EXTL3: variants seen among roughly 807,000 people sequenced by gnomAD.
EXTL3 encodes the protein exostosin-like 3.
In EXTL3, 27 loss-of-function variants were observed where a neutral mutation model predicts 69.3. The ratio of observed to expected loss-of-function variants is 0.39; its 90% CI spans 0.29 to 0.54. EXTL3 has a LOEUF of 0.54. Among genes scored for constraint, EXTL3 ranks in the 20% least tolerant of loss-of-function variants. The pLI, the probability that EXTL3 is intolerant of heterozygous loss-of-function variation, is 0.69. For synonymous variants in EXTL3, 511 were observed against 499.4 expected (o/e 1.02, Z -0.31); for missense variants, 1,003 against 1,231.8 (o/e 0.81, Z 2.78).
chr8:28,677,934 T>A (rs1296096061), intron 1 of EXTL3, among the ~76,000 whole-genome samples: 1 of 152,248 alleles, frequency 6.6e-6, no homozygotes, highest in Non-Finnish European at 1.5e-5. Context: ...TTTTGAGTCC[T>A]GAACCAAATG....
intron 1 of EXTL3, among the ~76,000 whole-genome samples, chr8:28,644,467 G>C (rs1310121962): frequency 6.6e-6 from 1 of 152,118 alleles, no homozygotes; most frequent in Non-Finnish European, 1.5e-5. Context: ...GGGAGGCCAA[G>C]ACAAGAGGAT....
intron 1 of EXTL3, among the ~76,000 whole-genome samples, chr8:28,691,251 A>G (rs1800609182): frequency 6.6e-6 from 1 of 152,232 alleles, no homozygotes; most frequent in African/African-American, 2.4e-5. Flanking sequence ...AATAAAGTCT[A>G]ATCCTTTCAA....
rs1245669019 is a variant in EXTL3 at position 28,717,818 on chromosome 8, C to T, written c.1759C>T (p.Pro587Ser). The T allele has an allele frequency of 6.2e-7, 1 of 1,611,948 alleles. No individual in the cohort carries two copies. The highest frequency in any genetic ancestry group is 8.5e-7 in the Non-Finnish European group (1 of 1,178,198). ...PVETEPPYAS[P>S]RYLRNFTLTV... ...GGAGACGGAGCCGCCCTACGCCTCA[C>T]CCAGATACCTCCGCAATTTCACTCT... is the stretch of plus-strand genomic sequence containing the variant. Residue 587 changes from proline to serine, a missense_variant, in exon 3 of 7, where the codon CCC becomes TCC. Physicochemically the swap from Pro to Ser is moderately conservative, Grantham distance 74. Around this residue, in one of 2 missense-constraint regions of EXTL3, gnomAD observed 742 missense variants for 815.4 expected, o/e 0.91. Coordinates refer to ENST00000220562, the MANE Select transcript of EXTL3 (RefSeq NM_001440.4). The surrounding 1 kb of genome is among the most constrained non-coding windows in gnomAD (Gnocchi z 8.3).
intron 6 of EXTL3, among the ~76,000 whole-genome samples, chr8:28,744,812 A>C (rs1801854979): frequency 6.8e-6 from 1 of 147,576 alleles, no homozygotes; most frequent in South Asian, 2.2e-4. Flanking sequence ...AAAAATACAC[A>C]CACACGCACA....
intron 4 of EXTL3, among the ~76,000 whole-genome samples, chr8:28,736,429 T>A (rs1563222167): frequency 6.6e-6 from 1 of 152,232 alleles, no homozygotes; most frequent in Non-Finnish European, 1.5e-5. Flanking sequence ...CTTTCAGTTC[T>A]CCAATTTATC....
chr8:28,671,243 A>G (rs1218383025), intron 1 of EXTL3, among the ~76,000 whole-genome samples: 2 of 151,294 alleles, frequency 1.3e-5, no homozygotes, highest in African/African-American at 4.9e-5. Flanking sequence ...TGGCCTCCCA[A>G]AGTGCTGGGA....
intron 1 of EXTL3, among the ~76,000 whole-genome samples, chr8:28,635,894 C>CT (rs753402817): frequency 5.5e-4 from 83 of 152,166 alleles, no homozygotes; most frequent in Non-Finnish European, 9.9e-4. Flanking sequence ...ATTTTCTTTT[C>CT]TTTTTTAATA....
At chr8:28,711,987 A>G (rs240948) in intron 1 of EXTL3, among the ~76,000 whole-genome samples, 37,238 of 152,128 alleles carry the variant, frequency 0.24, 4,757 homozygotes, top group East Asian at 0.33. Flanking sequence ...CAGTGATCCA[A>G]ACACAAAGGG....
intron 1 of EXTL3, among the ~76,000 whole-genome samples, chr8:28,683,793 G>T (rs1807530818): frequency 6.6e-6 from 1 of 151,914 alleles, no homozygotes; most frequent in Admixed American, 6.6e-5. Context: ...CTGGGCCACA[G>T]TGTGAGACTC....
intron 1 of EXTL3, among the ~76,000 whole-genome samples, chr8:28,665,128 A>G (rs1430237075): frequency 8.2e-6 from 1 of 122,140 alleles, no homozygotes; most frequent in Non-Finnish European, 1.6e-5. Flanking sequence ...CTGGGGTGCG[A>G]TGGTGTGACA....
At chr8:28,733,370 A>C (rs1353954336) in intron 4 of EXTL3, among the ~76,000 whole-genome samples, 1 of 151,944 alleles carries the variant, frequency 6.6e-6, no homozygotes, top group Non-Finnish European at 1.5e-5. Context: ...CTAATTTTAT[A>C]TATAAATGTG....
intron 1 of EXTL3, chr8:28,631,522 A>C (rs899780668): frequency 6.6e-6 from 1 of 152,222 alleles, no homozygotes; most frequent in Non-Finnish European, 1.5e-5. Context: ...GTGGTCCAAC[A>C]GGCGTTGAAG....
At chr8:28,727,723 C>G (rs972287180) in intron 3 of EXTL3, among the ~76,000 whole-genome samples, 4 of 152,072 alleles carry the variant, frequency 2.6e-5, no homozygotes, top group African/African-American at 7.2e-5. Flanking sequence ...TCTGATTGGC[C>G]CCAAAGCCAT....
intron 1 of EXTL3, among the ~76,000 whole-genome samples, chr8:28,638,938 ATTT>A (rs61228702): frequency 2.9e-5 from 4 of 136,190 alleles, no homozygotes; most frequent in African/African-American, 2.8e-5. Flanking sequence ...GCTAGGAATA[ATTT>A]TTTTTTTTTT....
intron 1 of EXTL3, among the ~76,000 whole-genome samples, chr8:28,642,971 C>T (rs561774417): frequency 2.6e-5 from 4 of 151,354 alleles, no homozygotes; most frequent in African/African-American, 7.3e-5. Flanking sequence ...GGGCCAGGCG[C>T]GCTGGTTCAC....
At chr8:28,666,112 C>A (rs1807192679) in intron 1 of EXTL3, among the ~76,000 whole-genome samples, 1 of 152,184 alleles carries the variant, frequency 6.6e-6, no homozygotes, top group Admixed American at 6.5e-5. Context: ...CTTTTTGCGC[C>A]TCTTATTATT....
At chr8:28,693,089 G>A (rs893458573) in intron 1 of EXTL3, among the ~76,000 whole-genome samples, 7 of 151,836 alleles carry the variant, frequency 4.6e-5, no homozygotes, top group Non-Finnish European at 7.4e-5. Flanking sequence ...CGCTGTTGGC[G>A]CTAGCTAATT....
At chr8:28,657,235 G>T (rs1002901987) in intron 1 of EXTL3, among the ~76,000 whole-genome samples, 2 of 152,192 alleles carry the variant, frequency 1.3e-5, no homozygotes, top group African/African-American at 4.8e-5. Context: ...GAGCCACTGT[G>T]CCCAGTCTCA....
chr8:28,649,460 C>T (rs1438481169), intron 1 of EXTL3, among the ~76,000 whole-genome samples: 1 of 152,200 alleles, frequency 6.6e-6, no homozygotes, highest in Non-Finnish European at 1.5e-5. Flanking sequence ...ATTGTTTGTA[C>T]ATGCCTTATT....
Sources: gnomAD v4.1 joint callset for allele counts (sites outside exome capture counted in the v4.1 genomes callset) on GRCh38, gnomAD v4.1.1 for gene constraint, gnomAD v4.1.1 regional missense constraint, Gnocchi (gnomAD v3.1) non-coding constraint, MANE v1.5 for transcripts, NCBI Gene and HGNC (gene_info 2026-07-23, HGNC 2026-07-21) for gene names.